ATP6V1B1: variants seen among roughly 807,000 people sequenced by gnomAD.
ATP6V1B1 encodes the protein V-type proton ATPase subunit B, kidney isoform.
In ATP6V1B1, 41 loss-of-function variants were observed where a neutral mutation model predicts 62.1. The ratio of observed to expected loss-of-function variants is 0.66; its 90% CI spans 0.51 to 0.86. The LOEUF (loss-of-function observed/expected upper bound fraction) is 0.86. Ranked by LOEUF, ATP6V1B1 falls within the 40% of genes least tolerant of loss-of-function variation. The pLI is 0.00. For synonymous variants in ATP6V1B1, 253 were observed against 273.4 expected (o/e 0.93, Z 0.74); for missense variants, 651 against 697.5 (o/e 0.93, Z 0.75).
chr2:70,938,648 C>A, intron 1 of ATP6V1B1: 1 of 985,306 alleles, frequency 1.0e-6, no homozygotes, highest in Non-Finnish European at 1.2e-6. Context: ...GCCTGGGGAG[C>A]TGACCCTGCC....
At chr2:70,961,902 T>C in intron 8 of ATP6V1B1, 1 of 614,256 alleles carries the variant, frequency 1.6e-6, no homozygotes, top group African/African-American at 1.8e-5. Flanking sequence ...TGACTCTGTC[T>C]GCTGCCTGTG....
intron 2 of ATP6V1B1, among the ~76,000 whole-genome samples, chr2:70,957,250 A>AATGTAT (rs1338125853): frequency 0.039 from 5,615 of 144,896 alleles, 159 homozygotes; most frequent in South Asian, 0.11. Context: ...CACACCTGGC[A>AATGTAT]ATATATATAT....
In ATP6V1B1 at chr2:70,963,255, G is replaced by T. The variant is rs1553420435; in HGVS notation, c.1003G>T (p.Val335Leu). 5 of 1,613,852 alleles carry T rather than the reference G, an allele frequency of 3.1e-6. No homozygotes were observed. The highest frequency in any genetic ancestry group is 4.2e-6 in the Non-Finnish European group (5 of 1,179,988). The change falls in exon 10 of 14, where the codon GTG (valine) becomes TTG (leucine). Residue 335 changes from valine to leucine, a missense_variant. Coordinates refer to ENST00000234396, the MANE Select transcript of ATP6V1B1 (RefSeq NM_001692.4). The surrounding 1 kb of genome is among the most constrained non-coding windows in gnomAD (Gnocchi z 4.3). ...LATIYERAGR[V>L]EGRGGSITQI... ...CACCATCTACGAGCGGGCGGGCCGC[G>T]TGGAGGGTCGGGGAGGATCCATCAC...
In ATP6V1B1 at chr2:70,944,668, C is replaced by CTT. The variant is rs36039112; in HGVS notation, c.174+972_174+973dup. On this transcript the variant is annotated intron_variant, in intron 2 of 13. Transcript: ENST00000234396. ...AGTGCCCTCAGCTTACAGGTCTTTTCTTTTTTTTTTTTTTTTTTGAGACGG... is the reference window on the plus strand; with the variant it reads ...AGTGCCCTCAGCTTACAGGTCTTTTCTTTTTTTTTTTTTTTTTTTTGAGACGG... 5.9e-4 allele frequency among the ~76,000 whole-genome samples: 76 copies of CTT among 129,362 alleles called. 2 individuals carry two copies. Among genetic ancestry groups the CTT allele is most frequent in the East Asian group, 1.7e-3 (7 of 4,118 alleles). The allele number at this position is 129,362 out of a possible 152,430, so 84.9% of individuals were successfully genotyped here. A position where few individuals can be genotyped will look rare whatever the true frequency, so the allele number is the denominator to read the frequency against.
intron 2 of ATP6V1B1, among the ~76,000 whole-genome samples, chr2:70,957,147 C>A (rs145175669): frequency 7.1e-6 from 1 of 141,336 alleles, no homozygotes; most frequent in Non-Finnish European, 1.5e-5. Context: ...AGTGCAGTGG[C>A]GTGATGTCGG....
At chr2:70,957,655 T>C (rs539833770) in intron 2 of ATP6V1B1, 1 of 340,444 alleles carries the variant, frequency 2.9e-6, no homozygotes, top group East Asian at 7.5e-5. Context: ...CTAATGGATC[T>C]GCATATGTTA....
intron 2 of ATP6V1B1, chr2:70,956,271 A>G (rs1292499345): frequency 5.5e-6 from 1 of 183,482 alleles, no homozygotes; most frequent in Non-Finnish European, 1.3e-5. Flanking sequence ...TTCCCAAGGA[A>G]CTTGAGAAGT....
At chr2:70,958,975 G>T (rs1462957818) in intron 4 of ATP6V1B1, 43 bp from the exon 5 acceptor site, 1 of 1,594,440 alleles carries the variant, frequency 6.3e-7, no homozygotes, top group Non-Finnish European at 8.6e-7. Context: ...GAGGGACACA[G>T]GGCTAGCCTG....
In ATP6V1B1 at chr2:70,963,387, A is replaced by G. The variant is rs1398320424; in HGVS notation, c.1060+75A>G. The G allele has an allele frequency of 6.2e-7, 1 of 1,608,350 alleles. No individual in the cohort carries two copies. Among genetic ancestry groups the G allele is most frequent in the East Asian group, 2.2e-5 (1 of 44,818 alleles). On this transcript the variant is annotated intron_variant, in intron 10 of 13. Transcript: ENST00000234396. The surrounding 1 kb of genome is among the most constrained non-coding windows in gnomAD (Gnocchi z 4.3). Reference sequence around the variant, plus strand: ...TTCCAACCAGATACTTAAAGGGCCCACGTTGCTTTGCACAGATGTGCAGCA... The same window carrying G: ...TTCCAACCAGATACTTAAAGGGCCCGCGTTGCTTTGCACAGATGTGCAGCA...
Position 70,957,880 on chromosome 2 carries a change from A to G in ATP6V1B1, c.175-166A>G, listed in dbSNP as rs909807243. The G allele has an allele frequency of 4.2e-6, 3 of 708,174 alleles. No homozygotes were observed. The African/African-American group carries it at 5.2e-5, about 12-fold the overall frequency. 43.9% of individuals were successfully genotyped at this position (708,174 alleles called of 1,614,324 possible). A position where few individuals can be genotyped will look rare whatever the true frequency, so the allele number is the denominator to read the frequency against. ...CTGAAGTGGGTGCAACTGCCTCCCA[A>G]ACAGAATTCAAACTTTCACTTCCCA... On this transcript the variant is annotated intron_variant, in intron 2 of 13. Transcript: ENST00000234396.
At chr2:70,945,156 C>T (rs779502789) in intron 2 of ATP6V1B1, among the ~76,000 whole-genome samples, 2 of 152,100 alleles carry the variant, frequency 1.3e-5, no homozygotes, top group African/African-American at 2.4e-5. Flanking sequence ...AATTAAATTA[C>T]GAGATGTCAC....
At chr2:70,936,675 A>T (rs1022049153) in intron 1 of ATP6V1B1, among the ~76,000 whole-genome samples, 1 of 152,078 alleles carries the variant, frequency 6.6e-6, no homozygotes, top group Non-Finnish European at 1.5e-5. Flanking sequence ...CTGCATGCTT[A>T]TGCACTCAGG....
chr2:70,936,141 G>A, intron 1 of ATP6V1B1, 69 bp downstream of exon 1: 1 of 1,514,006 alleles, frequency 6.6e-7, no homozygotes, highest in Middle Eastern at 2.0e-4. Context: ...CAGGTTCCCG[G>A]GCCCCGCTTC....
chr2:70,961,534 G>A, intron 7 of ATP6V1B1, 62 bp from the exon 8 acceptor site: 1 of 1,536,540 alleles, frequency 6.5e-7, no homozygotes, highest in Non-Finnish European at 9.0e-7. Flanking sequence ...CACCTGGGAG[G>A]GGCCAGGCCT....
intron 2 of ATP6V1B1, among the ~76,000 whole-genome samples, chr2:70,952,050 G>A (rs1680333948): frequency 6.6e-6 from 1 of 152,052 alleles, no homozygotes; most frequent in Non-Finnish European, 1.5e-5. Flanking sequence ...GATTTTCATT[G>A]GAAATGAAAG....
rs1553420773 is a variant in ATP6V1B1, at chr2:70,964,811, G to C, written c.1324G>C (p.Asp442His). ...VVGEEALTSEDLLYLEFLQKF... is the reference protein window; with the variant it reads ...VVGEEALTSEHLLYLEFLQKF... ...TGGGGAGGAGGCGCTCACCTCTGAGGACCTGCTCTACCTGGAATTCCTGCA... is the reference window on the plus strand; with the variant it reads ...TGGGGAGGAGGCGCTCACCTCTGAGCACCTGCTCTACCTGGAATTCCTGCA... The change falls in exon 13 of 14, where the codon GAC (aspartate) becomes CAC (histidine). Residue 442 changes from aspartate to histidine, a missense_variant. Physicochemically the swap from Asp to His is moderately conservative, Grantham distance 81. Coordinates refer to ENST00000234396, the MANE Select transcript of ATP6V1B1 (RefSeq NM_001692.4). 6.2e-7 allele frequency: 1 copy of C among 1,614,004 alleles called. No individual in the cohort carries two copies. The highest frequency in any genetic ancestry group is 1.7e-5 in the Admixed American group (1 of 60,020).
chr2:70,963,424 C>T lies in ATP6V1B1; in HGVS notation c.1060+112C>T. ...ACAGATGTGCAGCAGCGCTTTTCCT[C>T]CATCGAGATAGACACTGCCCTTTCC... On this transcript the variant is annotated intron_variant, in intron 10 of 13. Transcript: ENST00000234396. The surrounding 1 kb of genome is among the most constrained non-coding windows in gnomAD (Gnocchi z 4.3). 2.6e-6 allele frequency: 4 copies of T among 1,557,818 alleles called. No homozygotes were observed. Among genetic ancestry groups the T allele is most frequent in the Non-Finnish European group, 3.5e-6 (4 of 1,132,848 alleles).
At position 70,965,160 on chromosome 2, in the gene ATP6V1B1, T is replaced by C; in HGVS notation, c.*39T>C. Reference sequence around the variant, plus strand: ...GGCACCCCAACACCGGCAGGGAACCTACCCTCGGCTCCCGGGTCTCCCCTC... The same window carrying C: ...GGCACCCCAACACCGGCAGGGAACCCACCCTCGGCTCCCGGGTCTCCCCTC... On this transcript the variant is annotated 3_prime_UTR_variant, in exon 14 of 14. Coordinates refer to ENST00000234396, the MANE Select transcript of ATP6V1B1 (RefSeq NM_001692.4). 3.1e-6 allele frequency: 5 copies of C among 1,598,382 alleles called. No individual in the cohort carries two copies. The highest frequency in any genetic ancestry group is 4.2e-6 in the Non-Finnish European group (5 of 1,178,452).
chr2:70,959,550 G>A lies in ATP6V1B1; in HGVS notation c.446-389G>A, dbSNP rs1680531761. 6.6e-6 allele frequency among the ~76,000 whole-genome samples: 1 copy of A among 152,318 alleles called. No homozygotes were observed. The highest frequency in any genetic ancestry group is 6.5e-5 in the Admixed American group (1 of 15,306). On this transcript the variant is annotated intron_variant, in intron 5 of 13. Transcript: ENST00000234396. This position sits in a 1 kb window ranked among gnomAD's most constrained non-coding sequence, Gnocchi z 4.2. ...CTCATCTGCTCAGACAGGAGGCTGA[G>A]TCACCCGCAGGCCCTCTGAACCCTG...
Sources: allele counts gnomAD v4.1 joint callset (sites outside exome capture counted in the v4.1 genomes callset), GRCh38; gene constraint gnomAD v4.1.1; non-coding constraint Gnocchi (gnomAD v3.1); transcripts MANE v1.5; gene names NCBI Gene and HGNC (gene_info 2026-07-23, HGNC 2026-07-21).